The following RBFOX1 variants were observed in gnomAD, a reference collection of about 807,000 sequenced individuals.
RBFOX1 encodes RNA binding fox-1 homolog 1.
A neutral mutation model predicts 57.7 loss-of-function variants in RBFOX1; 8 were observed. That is an observed-to-expected ratio of 0.14 (90% CI 0.08 to 0.25). The LOEUF (loss-of-function observed/expected upper bound fraction) is 0.25. RBFOX1 is among the 10% of genes least tolerant of loss of function. RBFOX1 has a pLI of 1.00. For synonymous variants in RBFOX1, 326 were observed against 222.4 expected (o/e 1.47, Z -4.15); for missense variants, 611 against 548.5 (o/e 1.11, Z -1.14).
chr16:6,858,271 T>C (rs1005644506), intron 3 of RBFOX1, among the ~76,000 whole-genome samples: 6 of 152,218 alleles, frequency 3.9e-5, no homozygotes, highest in Non-Finnish European at 5.9e-5. Flanking sequence ...TTGTAGGGAA[T>C]GTTTCAGAGG....
intron 1 of RBFOX1, among the ~76,000 whole-genome samples, chr16:5,450,219 C>T (rs1036462820): frequency 2.0e-5 from 3 of 152,182 alleles, no homozygotes; most frequent in South Asian, 4.1e-4. Context: ...ACCTTCAATT[C>T]TGTCTCCCTC....
intron 2 of RBFOX1, among the ~76,000 whole-genome samples, chr16:6,326,112 C>G (rs755674983): frequency 1.3e-4 from 20 of 152,176 alleles, no homozygotes; most frequent in Non-Finnish European, 8.8e-5. Flanking sequence ...AATAAATTGT[C>G]TTGCAAAACT....
At chr16:7,340,479 C>T (rs1603624726) in intron 4 of RBFOX1, among the ~76,000 whole-genome samples, 1 of 152,208 alleles carries the variant, frequency 6.6e-6, no homozygotes, top group Non-Finnish European at 1.5e-5. Context: ...GCACTAATTA[C>T]AGTCATGTCT....
chr16:6,521,458 C>A (rs2096495947), intron 2 of RBFOX1, among the ~76,000 whole-genome samples: 1 of 135,772 alleles, frequency 7.4e-6, no homozygotes, highest in African/African-American at 2.8e-5. Flanking sequence ...CCCGTCCCCT[C>A]TCCTCTCCTC....
chr16:6,398,674 GGGC>G (rs1567192575), intron 2 of RBFOX1, among the ~76,000 whole-genome samples: 2 of 152,212 alleles, frequency 1.3e-5, no homozygotes, highest in Non-Finnish European at 2.9e-5. Flanking sequence ...TGCAAGAAGT[GGGC>G]CCCCATGGCC....
intron 3 of RBFOX1, among the ~76,000 whole-genome samples, chr16:6,906,024 G>C (rs1332310274): frequency 6.6e-6 from 1 of 152,096 alleles, no homozygotes; most frequent in Admixed American, 6.5e-5. Context: ...CCTCTGGTTG[G>C]GCAGAATGCC....
chr16:7,156,062 G>A (rs942446687), intron 4 of RBFOX1, among the ~76,000 whole-genome samples: 8 of 151,722 alleles, frequency 5.3e-5, no homozygotes, highest in Non-Finnish European at 1.0e-4. Context: ...CATGTAGATA[G>A]AGTTTCACCA....
intron 4 of RBFOX1, among the ~76,000 whole-genome samples, chr16:5,969,739 T>C (rs1365917340): frequency 6.6e-6 from 1 of 152,118 alleles, no homozygotes; most frequent in Non-Finnish European, 1.5e-5. Context: ...TAAAAAATTG[T>C]CCCTTGCTGT....
chr16:5,383,813 C>A (rs1205926026), intron 1 of RBFOX1, among the ~76,000 whole-genome samples: 1 of 152,190 alleles, frequency 6.6e-6, no homozygotes, highest in African/African-American at 2.4e-5. Context: ...AGAACTCCAA[C>A]TCTTACTTTC....
chr16:6,696,734 C>T (rs1302931475), intron 3 of RBFOX1, among the ~76,000 whole-genome samples: 2 of 151,948 alleles, frequency 1.3e-5, no homozygotes, highest in African/African-American at 4.8e-5. Flanking sequence ...GTTTAACTTA[C>T]AAAACCTTTC....
At chr16:6,604,203 GAAAA>G (rs896276784) in intron 2 of RBFOX1, among the ~76,000 whole-genome samples, 1 of 144,906 alleles carries the variant, frequency 6.9e-6, no homozygotes, top group Non-Finnish European at 1.5e-5. Flanking sequence ...TCCTACTGGG[GAAAA>G]AAAAAAGAAA....
intron 3 of RBFOX1, among the ~76,000 whole-genome samples, chr16:5,724,218 C>T (rs1267000872): frequency 2.0e-5 from 3 of 152,056 alleles, no homozygotes; most frequent in African/African-American, 7.3e-5. Flanking sequence ...TGAGCAAAGA[C>T]CCAAGGGCTG....
At chr16:5,998,093 C>G (rs1373320482) in intron 4 of RBFOX1, among the ~76,000 whole-genome samples, 1 of 152,134 alleles carries the variant, frequency 6.6e-6, no homozygotes, top group Non-Finnish European at 1.5e-5. Flanking sequence ...ACTGTATAAA[C>G]CTACCAAGTC....
intron 2 of RBFOX1, among the ~76,000 whole-genome samples, chr16:6,506,879 C>G (rs995073290): frequency 1.3e-5 from 2 of 152,068 alleles, no homozygotes; most frequent in African/African-American, 4.8e-5. Context: ...AACTCCTGAC[C>G]TCAAGTGATC....
At chr16:6,186,071 G>T (rs1379522948) in intron 1 of RBFOX1, among the ~76,000 whole-genome samples, 1 of 152,106 alleles carries the variant, frequency 6.6e-6, no homozygotes, top group Non-Finnish European at 1.5e-5. Flanking sequence ...ATTGTCCAGA[G>T]GATTTGAAAA....
At chr16:7,170,191 C>T (rs981757552) in intron 4 of RBFOX1, among the ~76,000 whole-genome samples, 1 of 152,206 alleles carries the variant, frequency 6.6e-6, no homozygotes, top group African/African-American at 2.4e-5. Context: ...GAAACTGTAG[C>T]ATGATGACCA....
chr16:5,994,784 T>C (rs1052848190), intron 4 of RBFOX1, among the ~76,000 whole-genome samples: 1 of 152,204 alleles, frequency 6.6e-6, no homozygotes, highest in African/African-American at 2.4e-5. Flanking sequence ...CACAAATTCC[T>C]CCTGGGCAAG....
At chr16:6,184,163 C>T (rs1001800861) in intron 1 of RBFOX1, among the ~76,000 whole-genome samples, 2 of 152,090 alleles carry the variant, frequency 1.3e-5, no homozygotes, top group South Asian at 2.1e-4. Context: ...GGGAAACTGC[C>T]CCCATGATTC....
intron 10 of RBFOX1, among the ~76,000 whole-genome samples, chr16:7,630,150 C>CGA (rs926020195): frequency 6.6e-6 from 1 of 152,006 alleles, no homozygotes; most frequent in African/African-American, 2.4e-5. Context: ...GATGCACAGC[C>CGA]ATTCTCGGAG....
Sources: gnomAD v4.1 joint callset for allele counts (sites outside exome capture counted in the v4.1 genomes callset) on GRCh38, gnomAD v4.1.1 for gene constraint, MANE v1.5 for transcripts, NCBI Gene and HGNC (gene_info 2026-07-23, HGNC 2026-07-21) for gene names.